Variants in DENND2D observed in about 807,000 individuals in gnomAD.
DENND2D encodes the protein DENN domain-containing protein 2D.
In DENND2D, 37 loss-of-function variants were observed where a neutral mutation model predicts 59.8. The observed-to-expected ratio is 0.62, with a 90% confidence interval of 0.48 to 0.81. The LOEUF is 0.81. Ranked by LOEUF, DENND2D falls within the 40% of genes least tolerant of loss-of-function variation. The pLI is 0.00. For synonymous variants in DENND2D, 219 were observed against 211.3 expected (o/e 1.04, Z -0.31); for missense variants, 525 against 579.7 (o/e 0.91, Z 0.97).
At chr1:111,202,787 C>G (rs1053875216), upstream of DENND2D, among the ~76,000 whole-genome samples, 3 of 151,960 alleles carry the variant, frequency 2.0e-5, no homozygotes, top group Non-Finnish European at 4.4e-5. Flanking sequence ...GGGAGAATCC[C>G]CAGGCAAGTG....
intron 8 of DENND2D, 46 bp downstream of exon 8, chr1:111,192,094 C>G (rs773147957): frequency 6.7e-7 from 1 of 1,487,164 alleles, no homozygotes; most frequent in Non-Finnish European, 9.1e-7. Flanking sequence ...ATCTGAATCC[C>G]ACTCTACCTG....
Position 111,187,323 on chromosome 1 carries a change from C to T in DENND2D, c.*282G>A. The stretch of plus-strand genomic sequence containing the variant: ...GTTGCAGCAGCTTCTAACCAAGTGT[C>T]TACAACACATGTACTACTGTTTCCT... On this transcript the variant is annotated 3_prime_UTR_variant, in exon 12 of 12. Coordinates refer to ENST00000357640, the MANE Select transcript of DENND2D (RefSeq NM_024901.5). 2.4e-6 allele frequency: 1 copy of T among 422,666 alleles called. No individual in the cohort carries two copies. Among genetic ancestry groups the T allele is most frequent in the Non-Finnish European group, 4.4e-6 (1 of 229,068 alleles). The allele number at this position is 422,666 out of a possible 1,614,324, so 26.2% of individuals were successfully genotyped here.
At chr1:111,204,058 G>GC, upstream of DENND2D, 1 of 281,938 alleles carries the variant, frequency 3.5e-6, no homozygotes, top group South Asian at 7.1e-5. Context: ...GTGTCCCGCC[G>GC]CCTCCCCCTC....
chr1:111,189,111 A>G (rs1004923485), intron 9 of DENND2D, 101 bp downstream of exon 9: 4 of 1,387,954 alleles, frequency 2.9e-6, no homozygotes, highest in Non-Finnish European at 4.1e-6. Flanking sequence ...TTCTCACTCA[A>G]CAAAGAACTT....
In DENND2D at chr1:111,199,741, T is replaced by C; in HGVS notation, c.125A>G (p.His42Arg). 2 of 1,613,962 alleles carry C rather than the reference T, an allele frequency of 1.2e-6. No individual in the cohort carries two copies. Among genetic ancestry groups the C allele is most frequent in the African/African-American group, 2.7e-5 (2 of 74,966 alleles). Residue 42 changes from histidine to arginine, a missense_variant, in exon 2 of 12, where the codon CAC becomes CGC. Physicochemically the swap from His to Arg is conservative, Grantham distance 29. Around this residue, in one of 3 missense-constraint regions of DENND2D, gnomAD observed 253 missense variants for 246.4 expected, o/e 1.03. Coordinates refer to ENST00000357640, the MANE Select transcript of DENND2D (RefSeq NM_024901.5). ...CCCCCCAGCAAAGTTGGGCAAAGAGTGCTCCTGGGCCCTTTCTGGTTCCTT... is the reference window on the plus strand; with the variant it reads ...CCCCCCAGCAAAGTTGGGCAAAGAGCGCTCCTGGGCCCTTTCTGGTTCCTT... ...ALKEPERAQE[H>R]SLPNFAGGQH...
At chr1:111,196,149 C>T in intron 5 of DENND2D, 93 bp from the exon 6 acceptor site, 1 of 1,461,766 alleles carries the variant, frequency 6.8e-7, no homozygotes, top group Non-Finnish European at 9.1e-7. Context: ...TCATAATGTT[C>T]TCATACTGGT....
At chr1:111,188,491 C>T (rs1657430919) in intron 10 of DENND2D, 121 bp from the exon 11 acceptor site, 3 of 1,408,626 alleles carry the variant, frequency 2.1e-6, no homozygotes, top group Non-Finnish European at 2.9e-6. Context: ...GGGTAGGGTT[C>T]ATAATTACTG....
chr1:111,190,104 CG>C (rs1232930328), intron 8 of DENND2D, among the ~76,000 whole-genome samples: 1 of 139,668 alleles, frequency 7.2e-6, no homozygotes, highest in Non-Finnish European at 1.5e-5. Context: ...GCGGAGCTTG[CG>C]GTGAGCCGAG....
chr1:111,186,675 G>A lies in DENND2D; in HGVS notation c.*930C>T, dbSNP rs116638293. On this transcript the variant is annotated 3_prime_UTR_variant, in exon 12 of 12. Coordinates refer to ENST00000357640, the MANE Select transcript of DENND2D (RefSeq NM_024901.5). ...GATTCTTTTCTCAAAGGGGAAGAAC[G>A]TCAGTGCAGCGATCCCTTCACCTTT... 4.9e-3 allele frequency among the ~76,000 whole-genome samples: 753 copies of A among 152,314 alleles called. 6 individuals carry two copies. Among genetic ancestry groups the A allele is most frequent in the African/African-American group, 0.017 (697 of 41,570 alleles).
intron 2 of DENND2D, 88 bp downstream of exon 2, chr1:111,199,535 G>A (rs1658588221): frequency 2.1e-6 from 3 of 1,461,864 alleles, no homozygotes; most frequent in South Asian, 1.3e-5. Context: ...CCCCGGTAGG[G>A]TAGGGAGAAG....
upstream of DENND2D, chr1:111,204,358 C>T (rs1205185057): frequency 2.1e-6 from 3 of 1,441,022 alleles, no homozygotes; most frequent in Non-Finnish European, 2.7e-6. Flanking sequence ...ATCCATGGCC[C>T]CTGGAGTGCC....
chr1:111,200,668 A>G, upstream of DENND2D: 1 of 1,346,356 alleles, frequency 7.4e-7, no homozygotes, highest in Non-Finnish European at 9.7e-7. Context: ...GGAAGGCAGC[A>G]GAAGCCAGCA....
intron 8 of DENND2D, among the ~76,000 whole-genome samples, chr1:111,190,921 G>A (rs908897499): frequency 6.6e-6 from 1 of 152,170 alleles, no homozygotes; most frequent in African/African-American, 2.4e-5. Flanking sequence ...GGGAGAGAGT[G>A]TGTATAAATA....
chr1:111,200,362 A>G (rs774502676), intron 1 of DENND2D, 31 bp downstream of exon 1: 1 of 1,604,696 alleles, frequency 6.2e-7, no homozygotes, highest in Non-Finnish European at 8.5e-7. Context: ...GGTCACCCTA[A>G]AAACAAGGAA....
upstream of DENND2D, chr1:111,204,135 T>C: frequency 3.0e-6 from 1 of 338,354 alleles, no homozygotes. Context: ...CGCGCGCTCC[T>C]TCCCGCTCAC....
intron 4 of DENND2D, 74 bp from the exon 5 acceptor site, chr1:111,197,327 C>T: frequency 6.4e-7 from 1 of 1,556,194 alleles, no homozygotes; most frequent in Non-Finnish European, 8.7e-7. Flanking sequence ...TATGAAGGAG[C>T]ACAAGGCTGA....
At chr1:111,202,785 C>A (rs897917298), upstream of DENND2D, among the ~76,000 whole-genome samples, 1 of 151,986 alleles carries the variant, frequency 6.6e-6, no homozygotes, top group Non-Finnish European at 1.5e-5. Context: ...GGGGGAGAAT[C>A]CCCAGGCAAG....
At chr1:111,200,068 GAGGCC>G in intron 1 of DENND2D, 1 of 581,930 alleles carries the variant, frequency 1.7e-6, no homozygotes, top group Non-Finnish European at 3.0e-6. Flanking sequence ...AGGCCACATG[GAGGCC>G]AAGGCCCCAG....
intron 2 of DENND2D, among the ~76,000 whole-genome samples, 189 bp downstream of exon 2, chr1:111,199,434 G>A (rs1360199163): frequency 6.6e-6 from 1 of 152,200 alleles, no homozygotes. Context: ...GTTAGACCTA[G>A]ATTCTGTGGG....
Sources: allele counts gnomAD v4.1 joint callset (sites outside exome capture counted in the v4.1 genomes callset), GRCh38; gene constraint gnomAD v4.1.1; regional missense constraint gnomAD v4.1.1; transcripts MANE v1.5; gene names NCBI Gene and HGNC (gene_info 2026-07-23, HGNC 2026-07-21).